The following CDH4 variants were observed in gnomAD, a reference collection of about 807,000 sequenced individuals.
The protein encoded by CDH4 is cadherin-4.
Under a neutral mutation model 86.0 loss-of-function variants are expected in CDH4, and 33 were observed. That is an observed-to-expected ratio of 0.38 (90% confidence interval 0.29 to 0.51). The LOEUF (loss-of-function observed/expected upper bound fraction) is 0.51. CDH4 is among the 20% of genes least tolerant of loss of function. The pLI, the probability that CDH4 is intolerant of heterozygous loss-of-function variation, is 0.86. For missense variants in CDH4, 1,114 were observed against 1,307.4 expected, an observed-to-expected ratio of 0.85 and a Z score of 2.28; for synonymous variants, 555 against 549.4, an observed-to-expected ratio of 1.01 and a Z score of -0.14.
At chr20:61,868,763 C>T (rs1171103988) in intron 6 of CDH4, among the ~76,000 whole-genome samples, 3 of 121,244 alleles carry the variant, frequency 2.5e-5, no homozygotes, top group African/African-American at 5.6e-5. Flanking sequence ...GTGCTTTCCT[C>T]CTGTGCTGGA....
At chr20:61,442,754 AAAG>A (rs1396444674) in intron 2 of CDH4, among the ~76,000 whole-genome samples, 1 of 152,232 alleles carries the variant, frequency 6.6e-6, no homozygotes, top group Admixed American at 6.5e-5. Flanking sequence ...AACAAGCGGC[AAAG>A]AAGAATTTTA....
intron 2 of CDH4, among the ~76,000 whole-genome samples, chr20:61,451,976 A>G (rs1050172653): frequency 2.0e-5 from 3 of 152,226 alleles, no homozygotes; most frequent in African/African-American, 7.2e-5. Context: ...ATAAAATGGA[A>G]ACTTGATTGT....
intron 3 of CDH4, among the ~76,000 whole-genome samples, chr20:61,755,460 CCA>C (rs201555107): frequency 1.4e-5 from 2 of 138,888 alleles, no homozygotes; most frequent in Non-Finnish European, 3.0e-5. Flanking sequence ...CCCGTACACA[CCA>C]CACACACACC....
intron 2 of CDH4, among the ~76,000 whole-genome samples, chr20:61,573,035 T>TGGAC (rs1277527033): frequency 7.0e-6 from 1 of 143,562 alleles, no homozygotes; most frequent in Non-Finnish European, 1.5e-5. Flanking sequence ...GATGGTTGGA[T>TGGAC]GGATGGATGG....
At chr20:61,913,432 G>A (rs774481777) in intron 9 of CDH4, among the ~76,000 whole-genome samples, 54 of 152,248 alleles carry the variant, frequency 3.5e-4, no homozygotes, top group Non-Finnish European at 6.8e-4. Context: ...CAACTTCAGG[G>A]AAGCGCCAGT....
In CDH4 at chr20:61,681,564, A is replaced by T. The variant is rs2087513001; in HGVS notation, c.170-61999A>T. ...CTGTTAGCTCCCGAACTCTTGTTCC[A>T]AGGGGTAGGAGAAAAAGGGGGCATC... On this transcript the variant is annotated intron_variant, in intron 2 of 15. Transcript: ENST00000614565. The surrounding 1 kb of genome is among the most constrained non-coding windows in gnomAD (Gnocchi z 4.5). 6.6e-6 allele frequency among the ~76,000 whole-genome samples: 1 copy of T among 152,142 alleles called. No individual in the cohort carries two copies. The highest frequency in any genetic ancestry group is 2.1e-4 in the South Asian group (1 of 4,828).
chr20:61,912,206 G>A (rs962099589), intron 9 of CDH4, among the ~76,000 whole-genome samples: 3 of 152,174 alleles, frequency 2.0e-5, no homozygotes, highest in Non-Finnish European at 2.9e-5. Context: ...ATCTTCTGGG[G>A]CAGAGTTTAG....
At position 61,773,144 on chromosome 20, in the gene CDH4, G is replaced by A; in HGVS notation, c.538G>A (p.Glu180Lys). Residue 180 changes from glutamate to lysine, a missense_variant, in exon 4 of 16, where the codon GAG (glutamate) becomes AAG (lysine). Glu to Lys is a moderately conservative substitution (Grantham distance 56, BLOSUM62 1). This residue lies in a region of CDH4 where 705 missense variants were observed against 914.1 expected (regional missense o/e 0.77). Transcript: ENST00000614565. ...DWVIPPINVP[E>K]NSRGPFPQQL... Reference sequence around the variant, plus strand: ...GGTCATCCCGCCCATCAACGTGCCCGAGAACTCGCGCGGGCCCTTCCCGCA... The same window carrying A: ...GGTCATCCCGCCCATCAACGTGCCCAAGAACTCGCGCGGGCCCTTCCCGCA... The A allele has an allele frequency of 1.3e-6, 2 of 1,599,426 alleles. No homozygotes were observed. Among genetic ancestry groups the A allele is most frequent in the Non-Finnish European group, 1.7e-6 (2 of 1,173,394 alleles).
intron 3 of CDH4, among the ~76,000 whole-genome samples, chr20:61,752,491 T>C (rs1035889228): frequency 6.6e-6 from 1 of 152,194 alleles, no homozygotes; most frequent in African/African-American, 2.4e-5. Flanking sequence ...AGAATTACTA[T>C]TAAAGTCAAA....
chr20:61,352,871 A>T (rs2084721426), intron 2 of CDH4, among the ~76,000 whole-genome samples: 2 of 152,182 alleles, frequency 1.3e-5, no homozygotes, highest in Admixed American at 1.3e-4. Flanking sequence ...TGCACCTGTG[A>T]GACGCTGCGG....
intron 2 of CDH4, among the ~76,000 whole-genome samples, chr20:61,695,288 C>T (rs1278045710): frequency 1.3e-5 from 2 of 152,254 alleles, no homozygotes; most frequent in Non-Finnish European, 2.9e-5. Context: ...GCAGAGGCGT[C>T]CTGCCCGGGA....
At chr20:61,698,541 T>A (rs1446144065) in intron 2 of CDH4, among the ~76,000 whole-genome samples, 1 of 152,164 alleles carries the variant, frequency 6.6e-6, no homozygotes, top group African/African-American at 2.4e-5. Context: ...GGTCAGGCGG[T>A]CAGCAGCAAA....
In CDH4 at chr20:61,582,265, T is replaced by C. The variant is rs945489053; in HGVS notation, c.170-161298T>C. On this transcript the variant is annotated intron_variant, in intron 2 of 15. Coordinates refer to ENST00000614565, the MANE Select transcript of CDH4 (RefSeq NM_001794.5). The surrounding 1 kb of genome is among the most constrained non-coding windows in gnomAD (Gnocchi z 4.2). Reference sequence around the variant, plus strand: ...CACAGAGGCACACGCGGCTTTGCCCTTGATTTTTGAGATGTTTGCCTCCTT... The same window carrying C: ...CACAGAGGCACACGCGGCTTTGCCCCTGATTTTTGAGATGTTTGCCTCCTT... Among the ~76,000 whole-genome samples, 1 of 152,222 alleles carries C rather than the reference T, an allele frequency of 6.6e-6. No homozygotes were observed. The highest frequency in any genetic ancestry group is 6.5e-5 in the Admixed American group (1 of 15,290).
At chr20:61,927,470 C>A (rs2055056930) in intron 11 of CDH4, among the ~76,000 whole-genome samples, 1 of 152,210 alleles carries the variant, frequency 6.6e-6, no homozygotes, top group Admixed American at 6.5e-5. Context: ...CAGGAGGGAG[C>A]TTCCATCAAA....
At chr20:61,633,095 T>TATCCATCC (rs1250155936) in intron 2 of CDH4, among the ~76,000 whole-genome samples, 3 of 150,566 alleles carry the variant, frequency 2.0e-5, no homozygotes, top group Admixed American at 6.6e-5. Context: ...TCTGTTCATC[T>TATCCATCC]ATCCATCCAT....
At chr20:61,554,072 C>T (rs1201911291) in intron 2 of CDH4, among the ~76,000 whole-genome samples, 1 of 152,190 alleles carries the variant, frequency 6.6e-6, no homozygotes, top group African/African-American at 2.4e-5. Context: ...CTCCCCCACC[C>T]CATTGGCCAG....
At position 61,480,590 on chromosome 20, in the gene CDH4, T is replaced by G. The variant is rs994610646; in HGVS notation, c.169+225653T>G. On this transcript the variant is annotated intron_variant, in intron 2 of 15. Coordinates refer to ENST00000614565, the MANE Select transcript of CDH4 (RefSeq NM_001794.5). The surrounding 1 kb of genome is among the most constrained non-coding windows in gnomAD (Gnocchi z 5.2). ...GACCGGGGCCTGGTGGCTGGCTGCC[T>G]GCTAGGCTGACACAGGGGAAGGAGG... 6.6e-6 allele frequency among the ~76,000 whole-genome samples: 1 copy of G among 152,212 alleles called. No homozygotes were observed. Among genetic ancestry groups the G allele is most frequent in the African/African-American group, 2.4e-5 (1 of 41,454 alleles).
intron 2 of CDH4, among the ~76,000 whole-genome samples, chr20:61,661,052 A>T (rs933138911): frequency 1.0e-5 from 1 of 98,948 alleles, no homozygotes; most frequent in African/African-American, 3.5e-5. Flanking sequence ...GAAGCCATGG[A>T]TGGAGGGAGG....
chr20:61,796,875 G>T (rs1432432551), intron 4 of CDH4, among the ~76,000 whole-genome samples: 1 of 152,178 alleles, frequency 6.6e-6, no homozygotes, highest in Non-Finnish European at 1.5e-5. Flanking sequence ...GCTGAAGTGG[G>T]AAATCTCCCA....
Sources: gnomAD v4.1 joint callset for allele counts (sites outside exome capture counted in the v4.1 genomes callset) on GRCh38, gnomAD v4.1.1 for gene constraint, gnomAD v4.1.1 regional missense constraint, Gnocchi (gnomAD v3.1) non-coding constraint, MANE v1.5 for transcripts, NCBI Gene and HGNC (gene_info 2026-07-23, HGNC 2026-07-21) for gene names.